Variants in MYH13 observed in about 807,000 individuals in gnomAD.
MYH13 encodes myosin-13.
Under a neutral mutation model 232.1 loss-of-function variants are expected in MYH13, and 177 were observed. That is an observed-to-expected ratio of 0.76 (90% CI 0.67 to 0.86). MYH13 has a LOEUF of 0.86. MYH13 is among the 40% of genes least tolerant of loss of function. The pLI is 0.00. For synonymous variants in MYH13, 884 were observed against 923.5 expected (o/e 0.96, Z 0.78); for missense variants, 2,246 against 2,405.9 (o/e 0.93, Z 1.39).
In MYH13 at chr17:10,354,601, C is replaced by T. The variant is rs539709575; in HGVS notation, c.1005+79G>A. On this transcript the variant is annotated intron_variant, in intron 11 of 40. Coordinates refer to ENST00000252172, the MANE Select transcript of MYH13 (RefSeq NM_003802.3). ...TAGTATCCCTGGATTTCAGCTTTCC[C>T]ATTAGCTCACTAACGTGTCTCTCAG... 189 of 1,320,322 alleles carry T rather than the reference C, an allele frequency of 1.4e-4. 4 individuals are homozygous for T. In the Admixed American group the frequency reaches 3.4e-3, roughly 24 times the overall value. 81.8% of individuals were successfully genotyped at this position (1,320,322 alleles called of 1,614,324 possible).
chr17:10,339,090 C>G (rs532845104), intron 18 of MYH13, among the ~76,000 whole-genome samples: 8 of 152,254 alleles, frequency 5.3e-5, no homozygotes, highest in East Asian at 3.9e-4. Context: ...CTTTTCCCCC[C>G]CAACCCCCCG....
At chr17:10,323,955 C>G in intron 23 of MYH13, 67 bp downstream of exon 23, 1 of 1,578,914 alleles carries the variant, frequency 6.3e-7, no homozygotes, top group Admixed American at 1.8e-5. Context: ...GCCACCCTTT[C>G]TCCTCCTTAC....
At chr17:10,337,575 A>G (rs1442289815) in intron 18 of MYH13, among the ~76,000 whole-genome samples, 3 of 152,208 alleles carry the variant, frequency 2.0e-5, no homozygotes, top group African/African-American at 4.8e-5. Context: ...GGAAATCTCC[A>G]TAGTCTCTAG....
intron 29 of MYH13, 131 bp from the exon 30 acceptor site, chr17:10,313,485 A>T: frequency 7.3e-7 from 1 of 1,363,128 alleles, no homozygotes. Flanking sequence ...CCATATCAGC[A>T]TATCACCTGG....
rs10715626 is a variant in MYH13, at chr17:10,322,236, CAA to C, written c.2935-530_2935-529del. On this transcript the variant is annotated intron_variant, in intron 23 of 40. Transcript: ENST00000252172. ...TGAAACCTCGTCTCTACTAAAAATACAAAAAAAAAAAATTAGCCAGGCATGGT... is the reference window on the plus strand; with the variant it reads ...TGAAACCTCGTCTCTACTAAAAATACAAAAAAAAAATTAGCCAGGCATGGT... Among the ~76,000 whole-genome samples the C allele has an allele frequency of 6.7e-4, 100 of 149,320 alleles. 1 individual carries two copies. In the Middle Eastern group the frequency reaches 0.021, roughly 31 times the overall value.
At position 10,345,392 on chromosome 17, in the gene MYH13, A is replaced by G. The variant is rs765159698; in HGVS notation, c.1414-20T>C. On this transcript the variant is annotated intron_variant, in intron 14 of 40. Transcript: ENST00000252172. ...GTTGAACTGGGTGATTCAAATACCAAAGAATTTGAGTGAGCTTGGAAAATA... is the reference window on the plus strand; with the variant it reads ...GTTGAACTGGGTGATTCAAATACCAGAGAATTTGAGTGAGCTTGGAAAATA... 1 of 1,614,222 alleles carries G rather than the reference A, an allele frequency of 6.2e-7. No homozygotes were observed. Among genetic ancestry groups the G allele is most frequent in the South Asian group, 1.1e-5 (1 of 91,084 alleles).
At chr17:10,368,303 T>G (rs566314985) in intron 2 of MYH13, among the ~76,000 whole-genome samples, 1 of 152,324 alleles carries the variant, frequency 6.6e-6, no homozygotes, top group East Asian at 1.9e-4. Flanking sequence ...TGCTGTCAGT[T>G]TTTTCCTCGA....
chr17:10,347,843 G>A (rs746274624), intron 12 of MYH13, among the ~76,000 whole-genome samples: 15 of 147,584 alleles, frequency 1.0e-4, no homozygotes, highest in Non-Finnish European at 1.5e-4. Context: ...CTCACCTCCC[G>A]AGTAGCTGGG....
chr17:10,362,343 T>C lies in MYH13; in HGVS notation c.348+17A>G. ...CAGAGAGAGACATGAAATAAAAAGG[T>C]GTTTACAGACACTCACGTAGATCAT... On this transcript the variant is annotated intron_variant, in intron 4 of 40. Coordinates refer to ENST00000252172, the MANE Select transcript of MYH13 (RefSeq NM_003802.3). 1 of 1,613,962 alleles carries C rather than the reference T, an allele frequency of 6.2e-7. No homozygotes were observed. The highest frequency in any genetic ancestry group is 1.3e-5 in the African/African-American group (1 of 74,974).
chr17:10,355,828 C>CT (rs61338527), intron 8 of MYH13, among the ~76,000 whole-genome samples: 1 of 66,812 alleles, frequency 1.5e-5, no homozygotes, highest in African/African-American at 6.5e-5. Context: ...TTCTGTCTGA[C>CT]TTTTTTTTTT....
chr17:10,353,129 T>G (rs1383283857), intron 11 of MYH13, among the ~76,000 whole-genome samples: 1 of 152,168 alleles, frequency 6.6e-6, no homozygotes, highest in Non-Finnish European at 1.5e-5. Context: ...CTGTACCTAA[T>G]CAAGCTGTTT....
intron 32 of MYH13, among the ~76,000 whole-genome samples, chr17:10,311,658 T>C (rs1906511731): frequency 6.6e-6 from 1 of 152,100 alleles, no homozygotes; most frequent in Non-Finnish European, 1.5e-5. Context: ...CACTGAAGGG[T>C]CTTCTCTAAC....
chr17:10,314,252 A>T (rs1444191307), intron 29 of MYH13, among the ~76,000 whole-genome samples: 9 of 152,062 alleles, frequency 5.9e-5, no homozygotes, highest in Admixed American at 5.9e-4. Flanking sequence ...AAACCCTGTC[A>T]CTACTAAAAA....
Position 10,343,868 on chromosome 17 carries a change from C to G in MYH13, c.1826G>C (p.Gly609Ala), listed in dbSNP as rs1432989036. 4 of 1,614,014 alleles carry G rather than the reference C, an allele frequency of 2.5e-6. No individual in the cohort carries two copies. Among genetic ancestry groups the G allele is most frequent in the African/African-American group, 2.7e-5 (2 of 74,920 alleles). The change falls in exon 16 of 41, where the codon GGG becomes GCG. Residue 609 changes from glycine to alanine, a missense_variant. Physicochemically the swap from Gly to Ala is moderately conservative, Grantham distance 60. Transcript: ENST00000252172. ...CTTCAGCGAAGACTTCTGGTACAGC[C>G]CCACCACAGTCTCGTTCAGGGGGTC... ...NKDPLNETVV[G>A]LYQKSSLKLL...
chr17:10,305,766 A>G (rs761417790), intron 37 of MYH13, among the ~76,000 whole-genome samples: 13 of 152,242 alleles, frequency 8.5e-5, no homozygotes, highest in Non-Finnish European at 1.5e-4. Context: ...AAACAAAGGG[A>G]ACAGTCAGCA....
intron 27 of MYH13, chr17:10,317,779 G>A (rs1791746085): frequency 6.6e-6 from 1 of 152,234 alleles, no homozygotes; most frequent in Non-Finnish European, 1.5e-5. Flanking sequence ...TTCAAGGGAA[G>A]AGGAGCCATC....
chr17:10,359,897 C>G (rs1349394765), intron 7 of MYH13, 63 bp downstream of exon 7: 15 of 1,448,048 alleles, frequency 1.0e-5, no homozygotes, highest in Non-Finnish European at 1.4e-5. Context: ...ACACTTGGTG[C>G]TCATCCACGC....
At chr17:10,329,595 C>T (rs1323099970) in intron 21 of MYH13, among the ~76,000 whole-genome samples, 1 of 152,188 alleles carries the variant, frequency 6.6e-6, no homozygotes, top group African/African-American at 2.4e-5. Context: ...CCTCCACTAC[C>T]TGCCTCTTGC....
At chr17:10,367,639 G>A (rs541342153) in intron 2 of MYH13, among the ~76,000 whole-genome samples, 2 of 152,118 alleles carry the variant, frequency 1.3e-5, no homozygotes, top group Admixed American at 6.5e-5. Flanking sequence ...ATGAGCCACC[G>A]TGCCTGGCCA....
Sources: allele counts gnomAD v4.1 joint callset (sites outside exome capture counted in the v4.1 genomes callset), GRCh38; gene constraint gnomAD v4.1.1; transcripts MANE v1.5; gene names NCBI Gene and HGNC (gene_info 2026-07-23, HGNC 2026-07-21).